Variants in DMD observed in about 807,000 individuals in gnomAD.
The protein encoded by DMD is mutant dystrophin.
In DMD, 63 loss-of-function variants were observed where a neutral mutation model predicts 330.1. The observed-to-expected ratio is 0.19, with a 90% confidence interval of 0.16 to 0.24. The LOEUF (loss-of-function observed/expected upper bound fraction) is 0.24. Among genes scored for constraint, DMD ranks in the 10% least tolerant of loss-of-function variants. The probability of loss-of-function intolerance (pLI) is 1.00; values close to 1 mark genes in which losing one functional copy is unlikely to be tolerated. For missense variants in DMD, 3,344 were observed against 2,684.1 expected (o/e 1.25, Z -5.43); for synonymous variants, 1,223 against 959.8 (o/e 1.27, Z -5.07).
chrX:33,111,258 G>C (rs1910415526), intron 1 of DMD, among the ~76,000 whole-genome samples: 1 of 111,751 alleles, frequency 8.9e-6, no homozygotes, highest in South Asian at 3.7e-4. Context: ...TGCTCAAATG[G>C]AAGGCTCTGA....
intron 50 of DMD, among the ~76,000 whole-genome samples, chrX:31,785,397 T>C (rs945111297): frequency 1.8e-5 from 2 of 112,121 alleles, no homozygotes; most frequent in African/African-American, 6.5e-5. Context: ...ACTACTGGTT[T>C]GTACACATAA....
rs536831954 is a variant in DMD, at chrX:32,893,228, G to A, written c.94-43408C>T. Among the ~76,000 whole-genome samples the A allele has an allele frequency of 8.1e-5, 9 of 111,795 alleles. No individual in the cohort carries two copies. The South Asian group carries it at 1.9e-3, about 23-fold the overall frequency. ...CCAAATGGTTTCGCCTACTTATTTG[G>A]TTATTCAGTTGTTCAGTTTCTTGAC... On this transcript the variant is annotated intron_variant, in intron 2 of 78. Transcript: ENST00000357033.
Position 33,282,609 on chromosome X carries a change from C to T in DMD, c.7+56650G>A, listed in dbSNP as rs564299223. On this transcript the variant is annotated intron_variant, in intron 1 of 17. Coordinates refer to the DMD transcript ENST00000288447. ...GGCCACTTGCTGTGACAAAATTCCT[C>T]TAAACAATACTGCCACTTGTCTATT... Among the ~76,000 whole-genome samples, 3 of 112,085 alleles carry T rather than the reference C, an allele frequency of 2.7e-5. No individual in the cohort carries two copies. In the South Asian group the frequency reaches 1.1e-3, roughly 42 times the overall value.
chrX:32,786,425 A>G (rs2075365110), intron 7 of DMD, among the ~76,000 whole-genome samples: 1 of 110,828 alleles, frequency 9.0e-6, no homozygotes, highest in Non-Finnish European at 1.9e-5. Context: ...GAATATTTTC[A>G]TAACTGGTGA....
chrX:31,132,983 CCT>C (rs2034709771), intron 77 of DMD, among the ~76,000 whole-genome samples: 1 of 111,744 alleles, frequency 8.9e-6, no homozygotes. Flanking sequence ...ATTAGCTTCC[CCT>C]GACGGTTCCT....
intron 7 of DMD, among the ~76,000 whole-genome samples, chrX:32,787,383 A>G (rs1377607920): frequency 1.8e-5 from 2 of 110,554 alleles, no homozygotes; most frequent in African/African-American, 6.6e-5. Context: ...CCAGTACACC[A>G]GCTGTGAGCC....
At chrX:31,546,284 G>A (rs901039114) in intron 55 of DMD, among the ~76,000 whole-genome samples, 1 of 112,375 alleles carries the variant, frequency 8.9e-6, no homozygotes, top group Non-Finnish European at 1.9e-5. Context: ...GCCTTGAGCT[G>A]CAACCTCTTT....
intron 50 of DMD, among the ~76,000 whole-genome samples, chrX:31,786,110 CTGT>C (rs1720370488): frequency 8.9e-6 from 1 of 112,005 alleles, no homozygotes; most frequent in African/African-American, 3.2e-5. Flanking sequence ...TCTCCAGCAT[CTGT>C]TGTTTCCTGA....
At chrX:32,551,792 A>G (rs1042709866) in intron 16 of DMD, among the ~76,000 whole-genome samples, 7 of 111,992 alleles carry the variant, frequency 6.3e-5, no homozygotes, top group African/African-American at 2.3e-4. Context: ...TTCAGCATCC[A>G]AAATCAATGT....
intron 11 of DMD, among the ~76,000 whole-genome samples, chrX:32,622,852 C>T (rs1235642005): frequency 1.8e-5 from 2 of 111,594 alleles, no homozygotes; most frequent in African/African-American, 3.3e-5. Flanking sequence ...GGGGTTGGGT[C>T]GAAGAATTCA....
chrX:32,819,778 T>C lies in DMD; in HGVS notation c.358-3138A>G, dbSNP rs187523183. On this transcript the variant is annotated intron_variant, in intron 5 of 78. Coordinates refer to ENST00000357033, the MANE Select transcript of DMD (RefSeq NM_004006.3). ...AGAATGTACATTAAGTTGACCAAAA[T>C]GTCCTTTAATCTTTGCTGAAATTCA... 8.8e-3 allele frequency among the ~76,000 whole-genome samples: 939 copies of C among 107,079 alleles called. 9 individuals carry two copies. Among genetic ancestry groups the C allele is most frequent in the African/African-American group, 0.03 (869 of 29,218 alleles). 93.0% of individuals were successfully genotyped at this position (107,079 alleles called of 115,157 possible).
intron 1 of DMD, among the ~76,000 whole-genome samples, chrX:33,237,842 T>C (rs917110402): frequency 8.9e-6 from 1 of 112,321 alleles, no homozygotes; most frequent in Non-Finnish European, 1.9e-5. Context: ...TTGAAAAATT[T>C]AGTAATAAAA....
At chrX:31,143,029 G>C (rs7050832) in intron 76 of DMD, among the ~76,000 whole-genome samples, 1 of 112,054 alleles carries the variant, frequency 8.9e-6, no homozygotes, top group African/African-American at 3.3e-5. Context: ...TGGTTCAGCA[G>C]ATCCCAGCCT....
chrX:32,727,415 A>C (rs1312314171), intron 7 of DMD, among the ~76,000 whole-genome samples: 1 of 111,170 alleles, frequency 9.0e-6, no homozygotes, highest in Non-Finnish European at 1.9e-5. Context: ...CTAAATTCTG[A>C]TTAATGTTCA....
Position 32,454,646 on chromosome X carries a change from C to CA in DMD, c.3603+15_3603+16insT, listed in dbSNP as rs2098348232. The CA allele has an allele frequency of 1.4e-6, 1 of 705,713 alleles. No homozygotes were observed. Among genetic ancestry groups the CA allele is most frequent in the Non-Finnish European group, 1.9e-6 (1 of 529,830 alleles). 58.2% of individuals were successfully genotyped at this position (705,713 alleles called of 1,213,427 possible). A position where few individuals can be genotyped will look rare whatever the true frequency, so the allele number is the denominator to read the frequency against. ...ATTTCCTTTGTTTTACTTAGTTTTT[C>CA]TTTTTTTTTTTTTACCTTCATCTCT... On this transcript the variant is annotated intron_variant, in intron 26 of 78. Transcript: ENST00000357033.
chrX:33,207,764 G>T (rs976103710), intron 1 of DMD, among the ~76,000 whole-genome samples: 1 of 111,770 alleles, frequency 8.9e-6, no homozygotes, highest in Admixed American at 9.5e-5. Context: ...TAGGGAAAAG[G>T]TGAAGACTAC....
At chrX:33,113,340 A>C (rs1033399440) in intron 1 of DMD, among the ~76,000 whole-genome samples, 3 of 111,480 alleles carry the variant, frequency 2.7e-5, no homozygotes, top group South Asian at 3.8e-4. Context: ...TACAGGCATG[A>C]GCCACCGTGC....
At chrX:32,416,197 A>G (rs2098165462) in intron 29 of DMD, among the ~76,000 whole-genome samples, 1 of 112,340 alleles carries the variant, frequency 8.9e-6, no homozygotes, top group African/African-American at 3.2e-5. Flanking sequence ...TCATTTAATA[A>G]TATTTTACAA....
chrX:31,588,292 T>C (rs906367531), intron 55 of DMD, among the ~76,000 whole-genome samples: 1 of 111,552 alleles, frequency 9.0e-6, no homozygotes, highest in African/African-American at 3.3e-5. Flanking sequence ...TGTGGATTTG[T>C]TGGATTGCTT....
Sources: allele counts gnomAD v4.1 joint callset (sites outside exome capture counted in the v4.1 genomes callset), GRCh38; gene constraint gnomAD v4.1.1; transcripts MANE v1.5; gene names NCBI Gene and HGNC (gene_info 2026-07-23, HGNC 2026-07-21).